The following PCLO variants were observed in gnomAD, a reference collection of about 807,000 sequenced individuals.
PCLO encodes the protein piccolo presynaptic cytomatrix protein.
A neutral mutation model predicts 427.5 loss-of-function variants in PCLO; 82 were observed. The observed-to-expected ratio is 0.19, with a 90% CI of 0.16 to 0.23. PCLO has a LOEUF of 0.23. Among genes scored for constraint, PCLO ranks in the 10% least tolerant of loss-of-function variants. The probability of loss-of-function intolerance (pLI) is 1.00; values close to 1 mark genes in which losing one functional copy is unlikely to be tolerated. For synonymous variants in PCLO, 2,357 were observed against 2,155.4 expected, an observed-to-expected ratio of 1.09 and a Z score of -2.59; for missense variants, 6,239 against 6,115.9, an observed-to-expected ratio of 1.02 and a Z score of -0.67.
At chr7:83,094,383 A>T (rs1790477985) in intron 3 of PCLO, among the ~76,000 whole-genome samples, 2 of 151,440 alleles carry the variant, frequency 1.3e-5, no homozygotes, top group Admixed American at 6.6e-5. Context: ...TAATTTTTGT[A>T]TTTTTAGTAG....
chr7:83,059,703 G>A (rs1343066441), intron 3 of PCLO, among the ~76,000 whole-genome samples: 2 of 152,104 alleles, frequency 1.3e-5, no homozygotes, highest in African/African-American at 2.4e-5. Context: ...GAAGAGCTAT[G>A]CCATCTGAAA....
Position 82,967,132 on chromosome 7 carries a change from A to G in PCLO, c.3301-645T>C, listed in dbSNP as rs1034860754. Among the ~76,000 whole-genome samples the G allele has an allele frequency of 4.6e-5, 7 of 151,402 alleles. No individual in the cohort carries two copies. The South Asian group carries it at 1.5e-3, about 32-fold the overall frequency. ...TGAATAAGAAGCACTCCAAGTCTCA[A>G]TTATTTGGTATCTTTTTCCCTGAGT... On this transcript the variant is annotated intron_variant, in intron 3 of 24. Coordinates refer to ENST00000333891, the MANE Select transcript of PCLO (RefSeq NM_033026.6).
chr7:82,916,168 C>A lies in PCLO; in HGVS notation c.11818G>T (p.Val3940Phe), dbSNP rs763593233. ...AVATMSFTPQ[V>F]QPTPTPQPSY... is the part of the protein sequence containing the mutation. ...GGCTGTGGGGTTGGTGTAGGTTGAA[C>A]TTGAGGTGTGAAGGACATTGTTGCC... The change falls in exon 7 of 25, where the codon GTT becomes TTT. Residue 3940 changes from valine to phenylalanine, a missense_variant. This residue lies in a region of PCLO where 680 missense variants were observed against 677.3 expected (regional missense o/e 1.00). Coordinates refer to ENST00000333891, the MANE Select transcript of PCLO (RefSeq NM_033026.6). 2 of 1,613,528 alleles carry A rather than the reference C, an allele frequency of 1.2e-6. 1 individual carries two copies. Among genetic ancestry groups the A allele is most frequent in the Non-Finnish European group, 1.7e-6 (2 of 1,179,708 alleles).
In PCLO at chr7:82,877,035, C is replaced by T. The variant is rs58903845; in HGVS notation, c.13654+2302G>A. Among the ~76,000 whole-genome samples, 756 of 151,836 alleles carry T rather than the reference C, an allele frequency of 5.0e-3. 9 individuals are homozygous for T. The highest frequency in any genetic ancestry group is 0.017 in the African/African-American group (717 of 41,418). ...AATTAAATTGCAAAAATATTAGTTC[C>T]GAAATAAAATAAGAAGGATTTAGTA... On this transcript the variant is annotated intron_variant, in intron 10 of 24. Transcript: ENST00000333891.
intron 22 of PCLO, among the ~76,000 whole-genome samples, 168 bp from the exon 23 acceptor site, chr7:82,761,661 T>C (rs1405522790): frequency 6.6e-6 from 1 of 152,046 alleles, no homozygotes; most frequent in Non-Finnish European, 1.5e-5. Context: ...TGTATATTTA[T>C]TTACAGGTGA....
At chr7:82,874,471 G>C (rs1260347028) in intron 10 of PCLO, among the ~76,000 whole-genome samples, 2 of 152,130 alleles carry the variant, frequency 1.3e-5, no homozygotes, top group Non-Finnish European at 2.9e-5. Context: ...TTCGTCATGA[G>C]ATCTTGACAA....
At chr7:83,156,506 TA>T (rs1299672661) in intron 1 of PCLO, 114 bp from the exon 2 acceptor site, 11 of 649,348 alleles carry the variant, frequency 1.7e-5, no homozygotes, top group Non-Finnish European at 2.5e-5. Context: ...AATGTATAAA[TA>T]TAACTAGAAC....
At position 82,846,515 on chromosome 7, in the gene PCLO, CTTCTAT is replaced by C. The variant is rs1226814776; in HGVS notation, c.13831+46_13831+51del. 9 of 1,153,262 alleles carry C rather than the reference CTTCTAT, an allele frequency of 7.8e-6. No homozygotes were observed. In the African/African-American group the frequency reaches 9.2e-5, roughly 12 times the overall value. The allele number at this position is 1,153,262 out of a possible 1,614,324, so 71.4% of individuals were successfully genotyped here. A position where few individuals can be genotyped will look rare whatever the true frequency, so the allele number is the denominator to read the frequency against. On this transcript the variant is annotated intron_variant, in intron 12 of 24. Transcript: ENST00000333891. ...ACAATTACATCTGCCTCTGCAATTA[CTTCTAT>C]TTCTATCTCTTTATTTACAGTTGAA...
At chr7:82,774,162 T>C (rs1383352847) in intron 22 of PCLO, among the ~76,000 whole-genome samples, 2 of 152,234 alleles carry the variant, frequency 1.3e-5, no homozygotes, top group Non-Finnish European at 2.9e-5. Flanking sequence ...GCTCATTTCA[T>C]TAAATTCTTT....
intron 10 of PCLO, among the ~76,000 whole-genome samples, chr7:82,866,890 C>A (rs1314467748): frequency 6.6e-6 from 1 of 152,016 alleles, no homozygotes; most frequent in Non-Finnish European, 1.5e-5. Context: ...CCCTCAGGAG[C>A]TTATAGTCTG....
rs1184647657 is a variant in PCLO, at chr7:82,915,516, T to C, written c.12470A>G (p.His4157Arg). The C allele has an allele frequency of 1.2e-6, 2 of 1,613,676 alleles. No individual in the cohort carries two copies. Among genetic ancestry groups the C allele is most frequent in the Non-Finnish European group, 1.7e-6 (2 of 1,179,704 alleles). The change falls in exon 7 of 25, where the codon CAT becomes CGT. Residue 4157 changes from histidine (H) to arginine (R), a missense_variant. His to Arg is a conservative substitution (Grantham distance 29, BLOSUM62 0). Around this residue, in one of 5 missense-constraint regions of PCLO, gnomAD observed 680 missense variants for 677.3 expected, o/e 1.00. Coordinates refer to ENST00000333891, the MANE Select transcript of PCLO (RefSeq NM_033026.6). Reference protein sequence around the residue: ...HYYHADTSYRHFPKSEKYSIS... With the variant: ...HYYHADTSYRRFPKSEKYSIS... ...GCTATACTTCTCAGATTTTGGAAAA[T>C]GTCTGTAGCTAGTATCAGCATGGTA...
chr7:82,922,601 A>G (rs970265483), intron 6 of PCLO, among the ~76,000 whole-genome samples: 1 of 151,812 alleles, frequency 6.6e-6, no homozygotes, highest in African/African-American at 2.4e-5. Context: ...AGAGTGGGAG[A>G]AGAGTGGTGA....
At chr7:83,090,980 AAC>A (rs1790363312) in intron 3 of PCLO, among the ~76,000 whole-genome samples, 1 of 152,102 alleles carries the variant, frequency 6.6e-6, no homozygotes, top group South Asian at 2.1e-4. Context: ...ACCAATTAGA[AAC>A]ACAGTTTGTA....
chr7:83,102,738 T>C (rs1478266509), intron 3 of PCLO, among the ~76,000 whole-genome samples: 13 of 151,918 alleles, frequency 8.6e-5, no homozygotes, highest in Admixed American at 8.5e-4. Flanking sequence ...AATAAAACTC[T>C]TGATTTTTTA....
At chr7:83,136,055 G>C (rs1037068076) in intron 2 of PCLO, among the ~76,000 whole-genome samples, 1 of 151,520 alleles carries the variant, frequency 6.6e-6, no homozygotes, top group Non-Finnish European at 1.5e-5. Context: ...CCGAGATCGC[G>C]CCATTGCACT....
chr7:83,028,823 T>A (rs1478657696), intron 3 of PCLO, among the ~76,000 whole-genome samples: 1 of 151,010 alleles, frequency 6.6e-6, no homozygotes, highest in East Asian at 1.9e-4. Flanking sequence ...AACTATCTGA[T>A]CTTTGACAAA....
At chr7:82,876,365 T>G (rs1793369680) in intron 10 of PCLO, among the ~76,000 whole-genome samples, 1 of 151,892 alleles carries the variant, frequency 6.6e-6, no homozygotes, top group African/African-American at 2.4e-5. Context: ...ACCAATCTAC[T>G]GCTTTGGAAT....
intron 3 of PCLO, among the ~76,000 whole-genome samples, chr7:83,012,249 G>A (rs1442368777): frequency 6.6e-6 from 1 of 152,042 alleles, no homozygotes; most frequent in African/African-American, 2.4e-5. Flanking sequence ...TTTCATCTGG[G>A]GGAAGTTACT....
At chr7:82,970,347 GCTT>G (rs771422960) in intron 3 of PCLO, among the ~76,000 whole-genome samples, 126 of 152,032 alleles carry the variant, frequency 8.3e-4, no homozygotes, top group Non-Finnish European at 1.5e-3. Flanking sequence ...AGTAAAATCT[GCTT>G]CTTTAAGATC....
Sources: allele counts gnomAD v4.1 joint callset (sites outside exome capture counted in the v4.1 genomes callset), GRCh38; gene constraint gnomAD v4.1.1; regional missense constraint gnomAD v4.1.1; transcripts MANE v1.5; gene names NCBI Gene and HGNC (gene_info 2026-07-23, HGNC 2026-07-21).